MRPS16: variants seen among roughly 807,000 people sequenced by gnomAD.
MRPS16 encodes mitochondrial ribosomal protein S16.
In MRPS16, 5 loss-of-function variants were observed where a neutral mutation model predicts 11.0. That is an observed-to-expected ratio of 0.46 (90% CI 0.24 to 0.96). The LOEUF is 0.96. Among genes scored for constraint, MRPS16 ranks in the 40% least tolerant of loss-of-function variants. The pLI is 0.20. For missense variants in MRPS16, 179 were observed against 174.4 expected (o/e 1.03, Z -0.15); for synonymous variants, 76 against 65.0 (o/e 1.17, Z -0.81).
At position 73,251,875 on chromosome 10, in the gene MRPS16, A is replaced by G. The variant is rs1486789498; in HGVS notation, c.162T>C (p.Tyr54=). Residue 54 remains tyrosine (Y), a synonymous_variant, in exon 2 of 3, where the codon TAT becomes TAC. Transcript: ENST00000372945. ...CTCCATGACTGTTGGGCAATGGATC[A>G]TAGGAGCCCAGCTGCTCTACGAAAC... ...DGRFVEQLGS[Y]DPLPNSHGEK... is the part of the protein sequence containing the mutation. 9 of 1,614,104 alleles carry G rather than the reference A, an allele frequency of 5.6e-6. No homozygotes were observed. Among genetic ancestry groups the G allele is most frequent in the African/African-American group, 1.3e-5 (1 of 74,926 alleles).
chr10:73,252,006 C>CA lies in MRPS16; in HGVS notation c.30_31insT (p.Ala11CysfsTer45). On this transcript the variant is annotated frameshift_variant, in exon 2 of 3. Transcript: ENST00000372945. LOFTEE classifies it high-confidence loss of function. ...ATGGTTAAGTGGCCCCCACGGTAGG[C>CA]CTTGCAGAGGAGAGTAGCTGTAGAA... 1 of 1,613,934 alleles carries CA rather than the reference C, an allele frequency of 6.2e-7. No homozygotes were observed. Among genetic ancestry groups the CA allele is most frequent in the Non-Finnish European group, 8.5e-7 (1 of 1,179,904 alleles).
chr10:73,252,335 G>T lies in MRPS16; in HGVS notation c.13+135C>A, dbSNP rs1336459718. ...TAAGTGGGGAAAAAACTGAGAGAAGGATCAAATGTAAGGCAGTGTGGCTGC... is the reference window on the plus strand; with the variant it reads ...TAAGTGGGGAAAAAACTGAGAGAAGTATCAAATGTAAGGCAGTGTGGCTGC... On this transcript the variant is annotated intron_variant, in intron 1 of 2. Transcript: ENST00000372945. 3 of 1,322,032 alleles carry T rather than the reference G, an allele frequency of 2.3e-6. No homozygotes were observed. The Admixed American group carries it at 5.8e-5, about 26-fold the overall frequency. The allele number at this position is 1,322,032 out of a possible 1,614,324, so 81.9% of individuals were successfully genotyped here.
In MRPS16 at chr10:73,250,490, C is replaced by CTT. The variant is rs2044074076; in HGVS notation, c.*361_*362insAA. On this transcript the variant is annotated 3_prime_UTR_variant, in exon 3 of 3. Transcript: ENST00000372945. ...ACTGTTCTTGCACTTGTGGGATGAACATGAAGATCTGAATGGGCCATGAAT... is the reference window on the plus strand; with the variant it reads ...ACTGTTCTTGCACTTGTGGGATGAACTTATGAAGATCTGAATGGGCCATGAAT... 3.3e-6 allele frequency: 1 copy of CTT among 298,982 alleles called. No individual in the cohort carries two copies. The highest frequency in any genetic ancestry group is 6.4e-6 in the Non-Finnish European group (1 of 155,170). 18.5% of individuals were successfully genotyped at this position (298,982 alleles called of 1,614,324 possible).
At position 73,251,792 on chromosome 10, in the gene MRPS16, TG is replaced by T. The variant is rs2044104573; in HGVS notation, c.244del (p.His82ThrfsTer21). 2.5e-6 allele frequency: 4 copies of T among 1,614,050 alleles called. No homozygotes were observed. The South Asian group carries it at 4.4e-5, about 18-fold the overall frequency. On this transcript the variant is annotated frameshift_variant, in exon 2 of 3. Transcript: ENST00000372945. LOFTEE classifies it high-confidence loss of function. ...AAGCTTTTCCATAGGCTTAGAGAGG[TG>T]GGCCCCGCAGCCAATCCAATGACGG... ...RIRHWIGCGA[H>X]LSKPMEKLLG...
In MRPS16 at chr10:73,251,143, C is replaced by G. The variant is rs543977804; in HGVS notation, c.275-152G>C. ...TGCCAAACTCTGTACTACTTCTCCC[C>G]GGCAAGGAGACAGTGGATGTCTACT... On this transcript the variant is annotated intron_variant, in intron 2 of 2. Coordinates refer to ENST00000372945, the MANE Select transcript of MRPS16 (RefSeq NM_016065.4). The G allele has an allele frequency of 1.3e-5, 11 of 876,550 alleles. No individual in the cohort carries two copies. In the East Asian group the frequency reaches 2.9e-4, roughly 23 times the overall value. The allele number at this position is 876,550 out of a possible 1,614,324, so 54.3% of individuals were successfully genotyped here.
At chr10:73,251,542 A>AT (rs113802791) in intron 2 of MRPS16, among the ~76,000 whole-genome samples, 80 of 147,948 alleles carry the variant, frequency 5.4e-4, no homozygotes, top group Middle Eastern at 3.5e-3. Context: ...CGCCCAACTA[A>AT]TTTTTTTTTT....
Position 73,250,670 on chromosome 10 carries a change from A to G in MRPS16, c.*182T>C. 1.3e-6 allele frequency: 1 copy of G among 774,964 alleles called. No individual in the cohort carries two copies. Among genetic ancestry groups the G allele is most frequent in the Non-Finnish European group, 2.1e-6 (1 of 468,026 alleles). 48.0% of individuals were successfully genotyped at this position (774,964 alleles called of 1,614,324 possible). ...AAAAAGCTAATTAGTACCCACACCCAGCTCTAAGTCACACAAGAACAAATC... is the reference window on the plus strand; with the variant it reads ...AAAAAGCTAATTAGTACCCACACCCGGCTCTAAGTCACACAAGAACAAATC... On this transcript the variant is annotated 3_prime_UTR_variant, in exon 3 of 3. Transcript: ENST00000372945.
Position 73,251,000 on chromosome 10 carries a change from AAC to A in MRPS16, c.275-11_275-10del, listed in dbSNP as rs766070771. 6.2e-7 allele frequency: 1 copy of A among 1,613,994 alleles called. No individual in the cohort carries two copies. Among genetic ancestry groups the A allele is most frequent in the Non-Finnish European group, 8.5e-7 (1 of 1,179,932 alleles). On this transcript the variant is annotated splice_polypyrimidine_tract_variant and intron_variant, in intron 2 of 2. Coordinates refer to ENST00000372945, the MANE Select transcript of MRPS16 (RefSeq NM_016065.4). ...GAAAAAGCCAGCAAGACCTAAAAGT[AAC>A]AGATTTTTCACTTATTATAACACAG...
chr10:73,252,503 C>T lies in MRPS16; in HGVS notation c.-21G>A. ...ACCATGGTGCCGCCGGCGTGCGGCTCCTCGGAGAGCCCCGCTACCCGCACG... is the reference window on the plus strand; with the variant it reads ...ACCATGGTGCCGCCGGCGTGCGGCTTCTCGGAGAGCCCCGCTACCCGCACG... On this transcript the variant is annotated 5_prime_UTR_variant, in exon 1 of 3. Transcript: ENST00000372945. 6.2e-7 allele frequency: 1 copy of T among 1,606,264 alleles called. No homozygotes were observed.
chr10:73,252,009 T>C lies in MRPS16; in HGVS notation c.28A>G (p.Lys10Glu). 1 of 1,613,874 alleles carries C rather than the reference T, an allele frequency of 6.2e-7. No homozygotes were observed. Among genetic ancestry groups the C allele is most frequent in the South Asian group, 1.1e-5 (1 of 91,044 alleles). The change falls in exon 2 of 3, where the codon AAG (lysine) becomes GAG (glutamate). Residue 10 changes from lysine (K) to glutamate (E), a missense_variant. Transcript: ENST00000372945. MVHLTTLLCKAYRGGHLTIR... is the reference protein window; with the variant it reads MVHLTTLLCEAYRGGHLTIR... ...GTTAAGTGGCCCCCACGGTAGGCCT[T>C]GCAGAGGAGAGTAGCTGTAGAAAAG... is the stretch of plus-strand genomic sequence containing the variant.
intron 2 of MRPS16, 135 bp downstream of exon 2, chr10:73,251,628 G>T: frequency 8.0e-7 from 1 of 1,256,078 alleles, no homozygotes; most frequent in Non-Finnish European, 1.1e-6. Flanking sequence ...TGATCCGCCC[G>T]CCTCGGCCTC....
At chr10:73,251,592 T>G (rs1462237029) in intron 2 of MRPS16, among the ~76,000 whole-genome samples, 171 bp downstream of exon 2, 1 of 152,044 alleles carries the variant, frequency 6.6e-6, no homozygotes, top group African/African-American at 2.4e-5. Context: ...TGTTGGCCAC[T>G]CTGGTCTCAA....
chr10:73,248,929 T>G lies in MRPS16; in HGVS notation c.*1923A>C, dbSNP rs1216647425. ...AAATTATTATGCTCTAGCCAAATTA[T>G]GTAATGTTTTCTTTTTCTTTTCTCT... On this transcript the variant is annotated 3_prime_UTR_variant, in exon 3 of 3. Transcript: ENST00000372945. 1 of 483,552 alleles carries G rather than the reference T, an allele frequency of 2.1e-6. No homozygotes were observed. Among genetic ancestry groups the G allele is most frequent in the East Asian group, 6.1e-5 (1 of 16,502 alleles). 30.0% of individuals were successfully genotyped at this position (483,552 alleles called of 1,614,324 possible).
Position 73,251,957 on chromosome 10 carries a change from G to C in MRPS16, c.80C>G (p.Thr27Ser). 6.2e-7 allele frequency: 1 copy of C among 1,614,204 alleles called. No individual in the cohort carries two copies. ...CACAATGCGGTAGAACGGCCGATTG[G>C]TGCAGCCACCCAGGGCAAGGCGGAT... ...LTIRLALGGCTNRPFYRIVAA... is the reference protein window; with the variant it reads ...LTIRLALGGCSNRPFYRIVAA... Residue 27 changes from threonine (T) to serine (S), a missense_variant, in exon 2 of 3, where the codon ACC becomes AGC. Transcript: ENST00000372945.
In MRPS16 at chr10:73,251,658, G is replaced by A. The variant is rs543702774; in HGVS notation, c.274+105C>T. The A allele has an allele frequency of 1.3e-5, 20 of 1,518,014 alleles. No homozygotes were observed. The African/African-American group carries it at 2.3e-4, about 18-fold the overall frequency. The allele number at this position is 1,518,014 out of a possible 1,614,324, so 94.0% of individuals were successfully genotyped here. On this transcript the variant is annotated intron_variant, in intron 2 of 2. Coordinates refer to ENST00000372945, the MANE Select transcript of MRPS16 (RefSeq NM_016065.4). ...GGCCTCCCAAAGCGCTGAGATTACA[G>A]GCGTGAGCCACCGTGCCCAGCCGAA...
At position 73,248,989 on chromosome 10, in the gene MRPS16, G is replaced by C. The variant is rs1362154957; in HGVS notation, c.*1863C>G. ...GCTGGACTGTAGTGGAACAATCACA[G>C]TTCACTGCAGCATCGGCCTCCTGGG... On this transcript the variant is annotated 3_prime_UTR_variant, in exon 3 of 3. Transcript: ENST00000372945. 8.7e-6 allele frequency: 5 copies of C among 572,572 alleles called. No homozygotes were observed. Among genetic ancestry groups the C allele is most frequent in the Non-Finnish European group, 1.7e-5 (5 of 295,086 alleles). 35.5% of individuals were successfully genotyped at this position (572,572 alleles called of 1,614,324 possible).
chr10:73,249,535 A>G lies in MRPS16; in HGVS notation c.*1317T>C, dbSNP rs2044056460. The stretch of plus-strand genomic sequence containing the variant: ...CAGCCTTCTTAACCTGCTCCATAAA[A>G]TTACCAGCAAGAAAGAAAAGTACAA... On this transcript the variant is annotated 3_prime_UTR_variant, in exon 3 of 3. Coordinates refer to ENST00000372945, the MANE Select transcript of MRPS16 (RefSeq NM_016065.4). 4.0e-6 allele frequency: 2 copies of G among 500,486 alleles called. No individual in the cohort carries two copies. Among genetic ancestry groups the G allele is most frequent in the Non-Finnish European group, 7.1e-6 (2 of 282,868 alleles). 31.0% of individuals were successfully genotyped at this position (500,486 alleles called of 1,614,324 possible).
intron 1 of MRPS16, 151 bp from the exon 2 acceptor site, chr10:73,252,174 C>T: frequency 7.8e-7 from 1 of 1,278,380 alleles, no homozygotes; most frequent in South Asian, 1.3e-5. Flanking sequence ...TGTGAAACCC[C>T]TCTTGGCCAG....
In MRPS16 at chr10:73,249,444, A is replaced by T. The variant is rs192915597; in HGVS notation, c.*1408T>A. On this transcript the variant is annotated 3_prime_UTR_variant, in exon 3 of 3. Transcript: ENST00000372945. ...CAAGGTAGGAAGGAAAAGATACAAGAAGTAAAATGCAACACTCATTACAGG... is the reference window on the plus strand; with the variant it reads ...CAAGGTAGGAAGGAAAAGATACAAGTAGTAAAATGCAACACTCATTACAGG... 3.1e-4 allele frequency: 288 copies of T among 922,802 alleles called. No homozygotes were observed. The East Asian group carries it at 6.4e-3, about 21-fold the overall frequency. 57.2% of individuals were successfully genotyped at this position (922,802 alleles called of 1,614,324 possible).
Sources: allele counts gnomAD v4.1 joint callset (sites outside exome capture counted in the v4.1 genomes callset), GRCh38; gene constraint gnomAD v4.1.1; transcripts MANE v1.5; gene names NCBI Gene and HGNC (gene_info 2026-07-23, HGNC 2026-07-21).